Variants in TTC6 observed in about 807,000 individuals in gnomAD.
TTC6 encodes tetratricopeptide repeat domain 6.
A neutral mutation model predicts 210.4 loss-of-function variants in TTC6; 172 were observed. That is an observed-to-expected ratio of 0.82 (90% CI 0.72 to 0.93). The LOEUF (loss-of-function observed/expected upper bound fraction) is 0.93, where lower values mean the gene tolerates loss of function less well. Ranked by LOEUF, TTC6 falls within the 40% of genes least tolerant of loss-of-function variation. TTC6 has a pLI of 0.00. For synonymous variants in TTC6, 804 were observed against 819.6 expected (o/e 0.98, Z 0.32); for missense variants, 2,414 against 2,318.1 (o/e 1.04, Z -0.85).
At chr14:37,691,604 A>C (rs1317416390) in intron 3 of TTC6, among the ~76,000 whole-genome samples, 1 of 152,180 alleles carries the variant, frequency 6.6e-6, no homozygotes, top group African/African-American at 2.4e-5. Context: ...GAAAAACTTC[A>C]AATGAACAAT....
intron 17 of TTC6, among the ~76,000 whole-genome samples, chr14:37,792,744 T>C (rs1454161070): frequency 6.6e-6 from 1 of 151,272 alleles, no homozygotes; most frequent in Non-Finnish European, 1.5e-5. Flanking sequence ...TAGGGATAGC[T>C]GCTATTAACA....
chr14:37,640,786 A>G (rs1051511174), intron 1 of TTC6, among the ~76,000 whole-genome samples: 1 of 152,142 alleles, frequency 6.6e-6, no homozygotes, highest in Non-Finnish European at 1.5e-5. Flanking sequence ...CAGGTGATCT[A>G]ACTGCTTCGG....
chr14:37,781,959 G>A (rs2139263747), intron 14 of TTC6, among the ~76,000 whole-genome samples: 1 of 152,216 alleles, frequency 6.6e-6, no homozygotes, highest in Non-Finnish European at 1.5e-5. Context: ...TTATTTCTGA[G>A]GGCTCTGTTC....
chr14:37,725,298 A>G (rs527810913), intron 7 of TTC6, among the ~76,000 whole-genome samples: 44 of 64,214 alleles, frequency 6.9e-4, no homozygotes, highest in South Asian at 2.7e-3. Context: ...ATATGTATGT[A>G]TGTGTGTGTG....
At chr14:37,662,937 A>G (rs2095740288) in intron 1 of TTC6, among the ~76,000 whole-genome samples, 1 of 152,074 alleles carries the variant, frequency 6.6e-6, no homozygotes, top group Non-Finnish European at 1.5e-5. Context: ...TGTCATTAAT[A>G]GTTTGATAGT....
At chr14:37,811,590 T>A (rs1417861245) in intron 24 of TTC6, among the ~76,000 whole-genome samples, 1 of 152,148 alleles carries the variant, frequency 6.6e-6, no homozygotes, top group African/African-American at 2.4e-5. Context: ...CCAACCCAAG[T>A]TTAGGATGCT....
intron 5 of TTC6, among the ~76,000 whole-genome samples, chr14:37,707,814 A>G (rs12431417): frequency 0.39 from 59,507 of 151,844 alleles, 12,121 homozygotes; most frequent in Admixed American, 0.5. Flanking sequence ...CAAAGTTAAT[A>G]TTGGATAGAT....
intron 3 of TTC6, among the ~76,000 whole-genome samples, chr14:37,688,527 C>T (rs1197021290): frequency 2.6e-5 from 4 of 151,996 alleles, no homozygotes; most frequent in Admixed American, 2.6e-4. Context: ...CAGTGCAGTC[C>T]TAGGAATAGG....
chr14:37,763,958 C>T (rs2095991556), intron 14 of TTC6, among the ~76,000 whole-genome samples: 1 of 143,704 alleles, frequency 7.0e-6, no homozygotes, highest in Non-Finnish European at 1.5e-5. Flanking sequence ...TTTCTCATTG[C>T]TTTGCTGCAT....
intron 14 of TTC6, among the ~76,000 whole-genome samples, chr14:37,766,383 C>T (rs1433503625): frequency 1.3e-5 from 2 of 152,138 alleles, no homozygotes; most frequent in East Asian, 1.9e-4. Context: ...TCAAGTAGAA[C>T]CCCATGTCTA....
chr14:37,785,587 T>A (rs994709459), intron 14 of TTC6, among the ~76,000 whole-genome samples: 3 of 152,196 alleles, frequency 2.0e-5, no homozygotes, highest in African/African-American at 7.2e-5. Context: ...TCAGAGAAGT[T>A]TGTTTTTACC....
At chr14:37,814,310 G>A (rs992144105) in intron 25 of TTC6, among the ~76,000 whole-genome samples, 12 of 152,224 alleles carry the variant, frequency 7.9e-5, no homozygotes, top group Middle Eastern at 3.4e-3. Context: ...GTCCCTATGC[G>A]TACAGCACTC....
chr14:37,685,485 C>G (rs2095791880), intron 3 of TTC6, among the ~76,000 whole-genome samples: 1 of 152,136 alleles, frequency 6.6e-6, no homozygotes, highest in South Asian at 2.1e-4. Context: ...AGAAAGATAA[C>G]TCTGTCATAT....
chr14:37,804,836 A>G (rs1269104023), intron 21 of TTC6, 22 bp downstream of exon 23: 5 of 1,610,324 alleles, frequency 3.1e-6, no homozygotes, highest in East Asian at 2.2e-5. Flanking sequence ...ATTTAGGAGT[A>G]TAGATTATTT....
In TTC6 at chr14:37,719,839, T is replaced by C. The variant is rs113187628; in HGVS notation, c.1713+5043T>C. Among the ~76,000 whole-genome samples, 375 of 151,694 alleles carry C rather than the reference T, an allele frequency of 2.5e-3. 3 individuals are homozygous for C. Among genetic ancestry groups the C allele is most frequent in the African/African-American group, 8.6e-3 (356 of 41,442 alleles). ...AAAGCACTATTTGTAAAAGGAAAAATAGATAAATTGGACTTCATCAGAATT... is the reference window on the plus strand; with the variant it reads ...AAAGCACTATTTGTAAAAGGAAAAACAGATAAATTGGACTTCATCAGAATT... On this transcript the variant is annotated intron_variant, in intron 6 of 30. Transcript: ENST00000553443.
chr14:37,662,095 C>A (rs960018484), intron 1 of TTC6, among the ~76,000 whole-genome samples: 4 of 152,142 alleles, frequency 2.6e-5, no homozygotes, highest in African/African-American at 9.7e-5. Flanking sequence ...ATGTCATCTG[C>A]AAACAAAGAC....
At chr14:37,833,941 A>C (rs867119510) in intron 29 of TTC6, among the ~76,000 whole-genome samples, 3 of 152,170 alleles carry the variant, frequency 2.0e-5, no homozygotes, top group African/African-American at 7.2e-5. Context: ...ATTTTTGAAC[A>C]ATAACTTTGA....
chr14:37,790,828 C>T (rs1490889443), exon 16 of TTC6: 3 of 1,532,226 alleles, frequency 2.0e-6, no homozygotes, highest in Non-Finnish European at 2.6e-6. Flanking sequence ...ACTGTCATTT[C>T]TCTAGAAAGG....
At position 37,668,409 on chromosome 14, in the gene TTC6, CTT is replaced by C. The variant is rs1303991345; in HGVS notation, c.940-11740_940-11739del. On this transcript the variant is annotated intron_variant, in intron 1 of 30. Transcript: ENST00000553443. ...GGCTGGGTTCTATTCTGGCTGGAGA[CTT>C]TAGCTTGGTCAGCTCTGTTCCATGT... Among the ~76,000 whole-genome samples, 4 of 150,292 alleles carry C rather than the reference CTT, an allele frequency of 2.7e-5. No homozygotes were observed. In the East Asian group the frequency reaches 7.7e-4, roughly 29 times the overall value.
Sources: allele counts gnomAD v4.1 joint callset (sites outside exome capture counted in the v4.1 genomes callset), GRCh38; gene constraint gnomAD v4.1.1; transcripts MANE v1.5; gene names NCBI Gene and HGNC (gene_info 2026-07-23, HGNC 2026-07-21).